Variants in UIMC1 observed in about 807,000 individuals in gnomAD.
UIMC1 encodes the protein ubiquitin interaction motif containing 1, also known as BRCA1-A complex subunit RAP80.
A neutral mutation model predicts 84.9 loss-of-function variants in UIMC1; 42 were observed. The ratio of observed to expected loss-of-function variants is 0.49; its 90% CI spans 0.39 to 0.64. The LOEUF (loss-of-function observed/expected upper bound fraction) is 0.64, where lower values mean the gene tolerates loss of function less well. UIMC1 is among the 30% of genes least tolerant of loss of function. The pLI, the probability that UIMC1 is intolerant of heterozygous loss-of-function variation, is 0.00. For synonymous variants in UIMC1, 281 were observed against 293.0 expected (o/e 0.96, Z 0.42); for missense variants, 825 against 847.6 (o/e 0.97, Z 0.33).
chr5:176,965,584 A>G (rs867929852), intron 6 of UIMC1, among the ~76,000 whole-genome samples: 14 of 152,134 alleles, frequency 9.2e-5, no homozygotes, highest in African/African-American at 2.9e-4. Flanking sequence ...CAGCTTCCCA[A>G]AATGCTGAGA....
At chr5:176,940,957 AG>A (rs1264450024) in intron 10 of UIMC1, among the ~76,000 whole-genome samples, 1 of 152,216 alleles carries the variant, frequency 6.6e-6, no homozygotes, top group African/African-American at 2.4e-5. Flanking sequence ...TCAGTAACAG[AG>A]GTGGGACTCA....
intron 1 of UIMC1, among the ~76,000 whole-genome samples, chr5:177,015,502 G>A (rs555973162): frequency 6.6e-6 from 1 of 152,338 alleles, no homozygotes; most frequent in South Asian, 2.1e-4. Flanking sequence ...AGCGGGGCAT[G>A]TAGAGTGGCT....
intron 1 of UIMC1, among the ~76,000 whole-genome samples, chr5:177,003,615 T>G (rs980048344): frequency 6.6e-6 from 1 of 152,168 alleles, no homozygotes; most frequent in African/African-American, 2.4e-5. Context: ...ACTGCGCCAC[T>G]GCACTCCAGC....
intron 1 of UIMC1, among the ~76,000 whole-genome samples, chr5:177,017,992 G>A (rs1581742275): frequency 6.6e-6 from 1 of 151,848 alleles, no homozygotes; most frequent in East Asian, 1.9e-4. Context: ...CATACTCTCT[G>A]ATATTACATA....
At chr5:176,906,522 T>G (rs73341842) in intron 13 of UIMC1, among the ~76,000 whole-genome samples, 2 of 152,152 alleles carry the variant, frequency 1.3e-5, no homozygotes, top group African/African-American at 4.8e-5. Flanking sequence ...ATTTTAACAA[T>G]AGCGACTAAT....
intron 1 of UIMC1, among the ~76,000 whole-genome samples, chr5:177,000,888 T>A (rs1338008984): frequency 6.6e-6 from 1 of 152,134 alleles, no homozygotes; most frequent in Non-Finnish European, 1.5e-5. Flanking sequence ...TAGAGTTGAG[T>A]TCCTTATACA....
At chr5:176,996,112 A>G (rs1338896026) in intron 1 of UIMC1, among the ~76,000 whole-genome samples, 1 of 152,166 alleles carries the variant, frequency 6.6e-6, no homozygotes, top group Non-Finnish European at 1.5e-5. Context: ...CAACAATAAA[A>G]CGGAACAAAC....
intron 1 of UIMC1, among the ~76,000 whole-genome samples, chr5:177,000,514 T>C (rs886701167): frequency 3.6e-4 from 54 of 149,996 alleles, no homozygotes; most frequent in African/African-American, 1.3e-3. Context: ...TTTTTTTTTT[T>C]TTTGAGATGG....
intron 10 of UIMC1, among the ~76,000 whole-genome samples, chr5:176,921,524 C>CCAGT (rs968642045): frequency 2.0e-5 from 3 of 152,190 alleles, no homozygotes; most frequent in African/African-American, 7.2e-5. Flanking sequence ...TGTTCCTGCC[C>CCAGT]CAGTGTTCCC....
chr5:177,004,589 T>C (rs1444935250), intron 1 of UIMC1, among the ~76,000 whole-genome samples: 1 of 152,192 alleles, frequency 6.6e-6, no homozygotes, highest in East Asian at 1.9e-4. Context: ...AGCTTCTTAA[T>C]GACAATTAAG....
At chr5:176,983,689 T>C (rs1771403780) in intron 1 of UIMC1, among the ~76,000 whole-genome samples, 1 of 151,696 alleles carries the variant, frequency 6.6e-6, no homozygotes, top group Admixed American at 6.6e-5. Flanking sequence ...TCTGCCTGGC[T>C]GCCCATCGTC....
chr5:177,016,483 A>C (rs1775672324), intron 1 of UIMC1, among the ~76,000 whole-genome samples: 1 of 147,388 alleles, frequency 6.8e-6, no homozygotes, highest in East Asian at 2.1e-4. Flanking sequence ...CGAGGTCAAA[A>C]GATCGAGACC....
At chr5:176,982,136 C>T (rs900212295) in intron 2 of UIMC1, among the ~76,000 whole-genome samples, 1 of 152,144 alleles carries the variant, frequency 6.6e-6, no homozygotes, top group Non-Finnish European at 1.5e-5. Flanking sequence ...TATCAAGAGA[C>T]TTAAGAACAT....
At chr5:176,919,611 T>C (rs1761451505) in intron 10 of UIMC1, among the ~76,000 whole-genome samples, 1 of 152,138 alleles carries the variant, frequency 6.6e-6, no homozygotes, top group Admixed American at 6.5e-5. Context: ...TGTACCACTG[T>C]AGCTGCCTAT....
At chr5:176,970,513 TA>T in intron 4 of UIMC1, 1 of 570,462 alleles carries the variant, frequency 1.8e-6, no homozygotes, top group Non-Finnish European at 3.0e-6. Flanking sequence ...AACCATGAAC[TA>T]AAAAATCCAT....
Position 176,905,253 on chromosome 5 carries a change from G to A in UIMC1, c.*29C>T. 1 of 1,609,666 alleles carries A rather than the reference G, an allele frequency of 6.2e-7. No individual in the cohort carries two copies. The highest frequency in any genetic ancestry group is 8.5e-7 in the Non-Finnish European group (1 of 1,177,012). On this transcript the variant is annotated 3_prime_UTR_variant, in exon 15 of 15. Coordinates refer to ENST00000511320, the MANE Select transcript of UIMC1 (RefSeq NM_001199298.2). ...AACATGGCCCACCCCTCCTACTAAT[G>A]GTTTTGTCAACTTTTGGACCCTAGA...
chr5:176,999,046 G>C (rs915441883), intron 1 of UIMC1, among the ~76,000 whole-genome samples: 3 of 151,970 alleles, frequency 2.0e-5, no homozygotes, highest in Non-Finnish European at 4.4e-5. Context: ...TTAAAAATCA[G>C]TCAGGCATGG....
chr5:176,975,537 C>G, intron 2 of UIMC1, 57 bp from the exon 3 acceptor site: 1 of 1,563,584 alleles, frequency 6.4e-7, no homozygotes, highest in Non-Finnish European at 8.8e-7. Context: ...AGTGATTTCT[C>G]TCTCTTCTAC....
chr5:177,000,880 G>C (rs1774348391), intron 1 of UIMC1, among the ~76,000 whole-genome samples: 1 of 151,962 alleles, frequency 6.6e-6, no homozygotes, highest in Non-Finnish European at 1.5e-5. Flanking sequence ...TTTTCCTATA[G>C]AGTTGAGTTC....
Sources: gnomAD v4.1 joint callset for allele counts (sites outside exome capture counted in the v4.1 genomes callset) on GRCh38, gnomAD v4.1.1 for gene constraint, MANE v1.5 for transcripts, NCBI Gene and HGNC (gene_info 2026-07-23, HGNC 2026-07-21) for gene names.